Variants in ACYP2 observed in about 807,000 individuals in gnomAD.
The protein encoded by ACYP2 is acylphosphatase-2.
A neutral mutation model predicts 11.2 loss-of-function variants in ACYP2; 12 were observed. The observed-to-expected ratio is 1.08, with a 90% CI of 0.69 to 1.74. ACYP2 has a LOEUF of 1.74. Among genes scored for constraint, ACYP2 ranks in the 40% most tolerant of loss-of-function variants. ACYP2 has a pLI of 0.00. For missense variants in ACYP2, 134 were observed against 101.9 expected, an observed-to-expected ratio of 1.31 and a Z score of -1.35; for synonymous variants, 43 against 32.2, an observed-to-expected ratio of 1.33 and a Z score of -1.13.
At chr2:54,278,132 C>G (rs777416322) in intron 6 of ACYP2, among the ~76,000 whole-genome samples, 5 of 152,174 alleles carry the variant, frequency 3.3e-5, no homozygotes, top group Non-Finnish European at 7.3e-5. Flanking sequence ...CGCCCGCCAC[C>G]ATGCCGAGCT....
chr2:54,234,181 A>G (rs1686369758), intron 6 of ACYP2, among the ~76,000 whole-genome samples: 1 of 152,156 alleles, frequency 6.6e-6, no homozygotes, highest in Non-Finnish European at 1.5e-5. Context: ...CCCCTGTTGA[A>G]GCTTTCCTGG....
intron 6 of ACYP2, among the ~76,000 whole-genome samples, chr2:54,180,538 G>T (rs1683659011): frequency 6.6e-6 from 1 of 152,102 alleles, no homozygotes; most frequent in African/African-American, 2.4e-5. Flanking sequence ...TGTGATCAAA[G>T]ACCAAATATA....
intron 6 of ACYP2, chr2:54,142,825 T>C (rs1377250166): frequency 6.6e-6 from 1 of 152,242 alleles, no homozygotes; most frequent in African/African-American, 2.4e-5. Context: ...GCTTAGATTT[T>C]AAAATTTATC....
At chr2:54,101,506 T>C (rs1430536314) in intron 4 of ACYP2, among the ~76,000 whole-genome samples, 1 of 151,986 alleles carries the variant, frequency 6.6e-6, no homozygotes, top group Non-Finnish European at 1.5e-5. Flanking sequence ...CCGTCTCTAC[T>C]AAAAATACCA....
chr2:54,133,007 G>T (rs1323539143), intron 4 of ACYP2, among the ~76,000 whole-genome samples: 1 of 152,144 alleles, frequency 6.6e-6, no homozygotes, highest in Non-Finnish European at 1.5e-5. Context: ...GCCTCCCAAA[G>T]TGCTGGGATT....
At chr2:54,207,102 TATATATAG>T (rs1685103078) in intron 6 of ACYP2, among the ~76,000 whole-genome samples, 1 of 150,538 alleles carries the variant, frequency 6.6e-6, no homozygotes, top group African/African-American at 2.5e-5. Context: ...TATAGATATC[TATATATAG>T]ATATATAGGT....
chr2:54,031,346 A>G (rs867440696), intron 2 of ACYP2, among the ~76,000 whole-genome samples: 4 of 138,600 alleles, frequency 2.9e-5, no homozygotes, highest in South Asian at 2.2e-4. Context: ...TCATTGTTCA[A>G]TTCCCACCTA....
chr2:54,229,143 A>G (rs1686128528), intron 6 of ACYP2, among the ~76,000 whole-genome samples: 1 of 152,106 alleles, frequency 6.6e-6, no homozygotes, highest in Non-Finnish European at 1.5e-5. Flanking sequence ...TCCAGGCAAG[A>G]GACTTATTTT....
intron 3 of ACYP2, among the ~76,000 whole-genome samples, chr2:54,052,296 GT>G (rs1445452272): frequency 6.6e-6 from 1 of 151,792 alleles, no homozygotes; most frequent in Non-Finnish European, 1.5e-5. Flanking sequence ...GTCATTTTTT[GT>G]ATGGTAAACA....
intron 6 of ACYP2, among the ~76,000 whole-genome samples, chr2:54,147,977 G>A (rs1475875122): frequency 6.6e-6 from 1 of 152,110 alleles, no homozygotes; most frequent in Non-Finnish European, 1.5e-5. Flanking sequence ...TAAGAAGTTT[G>A]GAGGCAGATG....
At chr2:54,044,256 C>T (rs1237792562) in intron 2 of ACYP2, among the ~76,000 whole-genome samples, 1 of 152,140 alleles carries the variant, frequency 6.6e-6, no homozygotes, top group African/African-American at 2.4e-5. Flanking sequence ...TCCAGACTTT[C>T]CACTGAATAA....
chr2:54,021,003 G>T (rs1317004243), intron 2 of ACYP2, among the ~76,000 whole-genome samples: 1 of 152,190 alleles, frequency 6.6e-6, no homozygotes, highest in Non-Finnish European at 1.5e-5. Flanking sequence ...ACAACTCACA[G>T]ATGGAGCAAT....
At chr2:54,021,573 C>T (rs1674009629) in intron 2 of ACYP2, among the ~76,000 whole-genome samples, 1 of 152,182 alleles carries the variant, frequency 6.6e-6, no homozygotes, top group Non-Finnish European at 1.5e-5. Flanking sequence ...AATAACTACA[C>T]TAATTTTATT....
chr2:54,222,516 C>T (rs1440848275), intron 6 of ACYP2, among the ~76,000 whole-genome samples: 1 of 143,248 alleles, frequency 7.0e-6, no homozygotes, highest in Non-Finnish European at 1.5e-5. Context: ...GGCCACTGCA[C>T]ACCAGCCTGG....
At chr2:54,086,645 C>A (rs1036079841) in intron 4 of ACYP2, among the ~76,000 whole-genome samples, 1 of 152,200 alleles carries the variant, frequency 6.6e-6, no homozygotes, top group African/African-American at 2.4e-5. Context: ...GAACTAGCAT[C>A]CTAGGAGTTT....
chr2:54,199,452 G>A (rs1280839103), intron 6 of ACYP2, among the ~76,000 whole-genome samples: 1 of 152,190 alleles, frequency 6.6e-6, no homozygotes, highest in Non-Finnish European at 1.5e-5. Flanking sequence ...ACCTAAGTGA[G>A]GGGCCCTGAA....
intron 6 of ACYP2, among the ~76,000 whole-genome samples, chr2:54,162,824 C>CA (rs1395539671): frequency 6.6e-6 from 1 of 151,842 alleles, no homozygotes; most frequent in Non-Finnish European, 1.5e-5. Context: ...ACAACAACAA[C>CA]AAAAAATCAG....
At chr2:54,261,118 G>T (rs902384095) in intron 6 of ACYP2, among the ~76,000 whole-genome samples, 43 of 152,172 alleles carry the variant, frequency 2.8e-4, no homozygotes, top group African/African-American at 8.7e-4. Context: ...CATACATTAG[G>T]AAACATGTAT....
intron 6 of ACYP2, among the ~76,000 whole-genome samples, chr2:54,158,593 A>T (rs891808163): frequency 2.0e-5 from 3 of 152,190 alleles, no homozygotes; most frequent in African/African-American, 7.2e-5. Flanking sequence ...TGCCACTGAC[A>T]TGAGATATGT....
Sources: allele counts gnomAD v4.1 joint callset (sites outside exome capture counted in the v4.1 genomes callset), GRCh38; gene constraint gnomAD v4.1.1; transcripts MANE v1.5; gene names NCBI Gene and HGNC (gene_info 2026-07-23, HGNC 2026-07-21).